Variants in GRIA3 observed in about 807,000 individuals in gnomAD.
The protein encoded by GRIA3 is glutamate ionotropic receptor AMPA type subunit 3, also known as glutamate receptor 3.
In GRIA3, 3 loss-of-function variants were observed where a neutral mutation model predicts 63.0. The ratio of observed to expected loss-of-function variants is 0.05; its 90% confidence interval spans 0.02 to 0.12. The LOEUF is 0.12. Ranked by LOEUF, GRIA3 falls within the 10% of genes least tolerant of loss-of-function variation. The pLI is 1.00. For missense variants in GRIA3, 347 were observed against 700.9 expected (o/e 0.50, Z 5.70); for synonymous variants, 274 against 257.9 (o/e 1.06, Z -0.60).
intron 4 of GRIA3, among the ~76,000 whole-genome samples, chrX:123,329,604 T>C (rs2044927409): frequency 8.9e-6 from 1 of 111,874 alleles, no homozygotes; most frequent in African/African-American, 3.2e-5. Context: ...GATATAAGAA[T>C]TAACATAGAA....
intron 13 of GRIA3, among the ~76,000 whole-genome samples, chrX:123,476,473 G>A (rs2045887719): frequency 9.0e-6 from 1 of 111,501 alleles, no homozygotes; most frequent in African/African-American, 3.3e-5. Flanking sequence ...GACAAAAGCA[G>A]TTTTCCTCTG....
At chrX:123,365,965 T>C (rs1208415455) in intron 5 of GRIA3, among the ~76,000 whole-genome samples, 2 of 111,983 alleles carry the variant, frequency 1.8e-5, no homozygotes, top group Non-Finnish European at 3.8e-5. Context: ...TCATGAGTTT[T>C]CTGGGAAAGT....
At chrX:123,326,313 C>T (rs754237877) in intron 4 of GRIA3, 100 bp downstream of exon 4, 51 of 667,331 alleles carry the variant, frequency 7.6e-5, no homozygotes, top group Non-Finnish European at 1.1e-4. Flanking sequence ...ACAGACTAAA[C>T]GTGCCAACAG....
At position 123,301,502 on chromosome X, in the gene GRIA3, C is replaced by T. The variant is rs190116718; in HGVS notation, c.509-24524C>T. 4.5e-5 allele frequency among the ~76,000 whole-genome samples: 5 copies of T among 111,490 alleles called. No homozygotes were observed. The East Asian group carries it at 1.4e-3, about 31-fold the overall frequency. On this transcript the variant is annotated intron_variant, in intron 3 of 15. Transcript: ENST00000620443. ...ATGGAGATAATAGCAGCACCTACCT[C>T]TAGTACCCATTAGAATTAAAGGAGT...
intron 4 of GRIA3, among the ~76,000 whole-genome samples, chrX:123,352,605 T>C (rs1448755435): frequency 8.9e-6 from 1 of 111,983 alleles, no homozygotes; most frequent in East Asian, 2.8e-4. Context: ...AACACTAAAC[T>C]CTGCCTCTGA....
intron 3 of GRIA3, among the ~76,000 whole-genome samples, chrX:123,263,071 A>G (rs2044469247): frequency 1.8e-5 from 2 of 112,217 alleles, no homozygotes; most frequent in South Asian, 7.5e-4. Flanking sequence ...GCAAAATCCC[A>G]TTTTCTCAAC....
intron 15 of GRIA3, 107 bp downstream of exon 15, chrX:123,483,153 T>C: frequency 1.5e-6 from 1 of 661,429 alleles, no homozygotes; most frequent in Non-Finnish European, 2.4e-6. Flanking sequence ...CAAAGCATTG[T>C]CTCTTTGCAA....
chrX:123,353,819 T>A (rs2045114738), intron 4 of GRIA3, among the ~76,000 whole-genome samples: 1 of 111,930 alleles, frequency 8.9e-6, no homozygotes, highest in Admixed American at 9.5e-5. Context: ...TATGTTATCC[T>A]GTTCCGTCCA....
At chrX:123,292,326 G>A (rs1175990380) in intron 3 of GRIA3, among the ~76,000 whole-genome samples, 1 of 111,573 alleles carries the variant, frequency 9.0e-6, no homozygotes, top group Non-Finnish European at 1.9e-5. Context: ...AAGATGGGCT[G>A]CAGAATAGGT....
intron 3 of GRIA3, among the ~76,000 whole-genome samples, chrX:123,289,282 T>C (rs2044641064): frequency 9.1e-6 from 1 of 109,851 alleles, no homozygotes; most frequent in Admixed American, 9.7e-5. Flanking sequence ...TCTGGGGCAC[T>C]AGGGGAGGGA....
In GRIA3 at chrX:123,362,000, T is replaced by C. The variant is rs971120959; in HGVS notation, c.750+7037T>C. On this transcript the variant is annotated intron_variant, in intron 5 of 15. Transcript: ENST00000620443. Reference sequence around the variant, plus strand: ...ATAGCCATTATATTACCCTGTCAAGTTCCTATGAAGGTTGGTAAAGACTTA... The same window carrying C: ...ATAGCCATTATATTACCCTGTCAAGCTCCTATGAAGGTTGGTAAAGACTTA... 2.7e-5 allele frequency among the ~76,000 whole-genome samples: 3 copies of C among 112,260 alleles called. No individual in the cohort carries two copies. In the East Asian group the frequency reaches 8.4e-4, roughly 31 times the overall value.
intron 5 of GRIA3, among the ~76,000 whole-genome samples, chrX:123,357,738 G>C (rs1465849371): frequency 9.0e-6 from 1 of 110,915 alleles, no homozygotes; most frequent in African/African-American, 3.3e-5. Context: ...TGAGACTTTG[G>C]GGGAATGTCT....
intron 5 of GRIA3, among the ~76,000 whole-genome samples, chrX:123,359,362 AG>A (rs374776758): frequency 1.9e-4 from 21 of 111,516 alleles, no homozygotes; most frequent in African/African-American, 6.8e-4. Flanking sequence ...AAAATTGAAA[AG>A]GTGGTATACT....
rs192241727 is a variant in GRIA3, at chrX:123,399,316, T to C, written c.1080+513T>C. ...CTGTTGTCAAAAAGAACACTCATGCTATTCTACAGGATGAAATGCAGGAAC... is the reference window on the plus strand; with the variant it reads ...CTGTTGTCAAAAAGAACACTCATGCCATTCTACAGGATGAAATGCAGGAAC... On this transcript the variant is annotated intron_variant, in intron 7 of 15. Transcript: ENST00000620443. Among the ~76,000 whole-genome samples, 216 of 112,117 alleles carry C rather than the reference T, an allele frequency of 1.9e-3. 2 individuals are homozygous for C. Among genetic ancestry groups the C allele is most frequent in the African/African-American group, 6.8e-3 (209 of 30,887 alleles).
At chrX:123,205,157 G>C (rs912075328) in intron 2 of GRIA3, among the ~76,000 whole-genome samples, 1 of 111,759 alleles carries the variant, frequency 8.9e-6, no homozygotes, top group Non-Finnish European at 1.9e-5. Context: ...TAAAGAAACA[G>C]GCTCGAAGGA....
At chrX:123,330,399 C>A (rs113747777) in intron 4 of GRIA3, among the ~76,000 whole-genome samples, 18 of 112,157 alleles carry the variant, frequency 1.6e-4, no homozygotes, top group African/African-American at 5.5e-4. Context: ...CTTGCCCCTA[C>A]ACTGCACTAC....
At position 123,407,691 on chromosome X, in the gene GRIA3, C is replaced by CA. The variant is rs1556314556; in HGVS notation, c.1500+2777_1500+2778insA. Reference sequence around the variant, plus strand: ...AGGATTTCAACATATGACTTGGTTGCGGGGGGGGGGGGGACGTGGGGACAC... The same window carrying CA: ...AGGATTTCAACATATGACTTGGTTGCAGGGGGGGGGGGGGACGTGGGGACAC... On this transcript the variant is annotated intron_variant, in intron 10 of 15. Transcript: ENST00000620443. 1.5e-3 allele frequency among the ~76,000 whole-genome samples: 3 copies of CA among 2,054 alleles called. No homozygotes were observed. The South Asian group carries it at 0.044, about 30-fold the overall frequency. The allele number at this position is 2,054 out of a possible 115,157, so 1.8% of individuals were successfully genotyped here.
chrX:123,368,301 G>C (rs190862233), intron 5 of GRIA3, among the ~76,000 whole-genome samples: 3 of 111,658 alleles, frequency 2.7e-5, no homozygotes, highest in Non-Finnish European at 5.6e-5. Context: ...TTCACGAATG[G>C]AGTCTGAGCC....
intron 13 of GRIA3, among the ~76,000 whole-genome samples, chrX:123,475,399 G>A (rs1048074058): frequency 8.9e-5 from 10 of 112,185 alleles, no homozygotes; most frequent in South Asian, 3.7e-4. Context: ...AGCTGCCAGT[G>A]AGATAAATAT....
Sources: gnomAD v4.1 joint callset for allele counts (sites outside exome capture counted in the v4.1 genomes callset) on GRCh38, gnomAD v4.1.1 for gene constraint, MANE v1.5 for transcripts, NCBI Gene and HGNC (gene_info 2026-07-23, HGNC 2026-07-21) for gene names.